Variants in KYAT1 observed in about 807,000 individuals in gnomAD.
KYAT1 encodes the protein kynurenine--oxoglutarate transaminase 1.
KYAT1 carries 47 observed loss-of-function variants against 52.4 expected under a neutral mutation model. The ratio of observed to expected loss-of-function variants is 0.90; its 90% confidence interval spans 0.71 to 1.14. The LOEUF is 1.14. Ranked by LOEUF, KYAT1 falls within the 50% of genes most tolerant of loss-of-function variation. KYAT1 has a pLI of 0.00. For synonymous variants in KYAT1, 212 were observed against 209.6 expected (o/e 1.01, Z -0.10); for missense variants, 480 against 557.9 (o/e 0.86, Z 1.41).
At chr9:128,845,310 C>A (rs762683224) in intron 2 of KYAT1, 43 bp downstream of exon 2, 4 of 1,582,434 alleles carry the variant, frequency 2.5e-6, no homozygotes, top group Non-Finnish European at 3.5e-6. Context: ...CCAACCCATG[C>A]CCGAGGGGAC....
intron 1 of KYAT1, among the ~76,000 whole-genome samples, chr9:128,859,545 G>A (rs545515543): frequency 6.6e-6 from 1 of 151,150 alleles, no homozygotes; most frequent in African/African-American, 2.4e-5. Context: ...GCGCATGCCT[G>A]TAATCTCCCA....
chr9:128,841,177 C>T (rs1481261060), intron 3 of KYAT1, among the ~76,000 whole-genome samples: 3 of 152,036 alleles, frequency 2.0e-5, no homozygotes, highest in South Asian at 2.1e-4. Flanking sequence ...CGAGACCAAC[C>T]GGACTAACAT....
intron 1 of KYAT1, among the ~76,000 whole-genome samples, chr9:128,857,848 C>T (rs1051349070): frequency 1.3e-5 from 2 of 152,036 alleles, no homozygotes; most frequent in East Asian, 1.9e-4. Flanking sequence ...AACAAACAAA[C>T]AAACAAAAAA....
At position 128,833,423 on chromosome 9, in the gene KYAT1, G is replaced by C. The variant is rs942388137; in HGVS notation, c.*161C>G. 9.6e-6 allele frequency: 7 copies of C among 732,528 alleles called. No homozygotes were observed. In the Admixed American group the frequency reaches 1.8e-4, roughly 18 times the overall value. The allele number at this position is 732,528 out of a possible 1,614,324, so 45.4% of individuals were successfully genotyped here. ...GAGGCACTTGGTTCTCTAAGATGAA[G>C]AAGGGCGGCTCCCACCCAGAACATT... On this transcript the variant is annotated 3_prime_UTR_variant, in exon 13 of 13. Coordinates refer to ENST00000302586, the MANE Select transcript of KYAT1 (RefSeq NM_004059.5).
chr9:128,872,722 G>A (rs369742302), intron 1 of KYAT1, among the ~76,000 whole-genome samples: 6 of 150,644 alleles, frequency 4.0e-5, no homozygotes, highest in Admixed American at 2.7e-4. Context: ...AGCCAAGATC[G>A]CACCGTTTGC....
intron 1 of KYAT1, among the ~76,000 whole-genome samples, chr9:128,878,452 T>A (rs1838333017): frequency 6.6e-6 from 1 of 152,162 alleles, no homozygotes; most frequent in South Asian, 2.1e-4. Flanking sequence ...TATTAACATT[T>A]AAACCTACCA....
intron 1 of KYAT1, chr9:128,847,406 GCAGAGTATTGGGGTTAGGGCACTTA>G: frequency 6.9e-7 from 1 of 1,453,114 alleles, no homozygotes; most frequent in African/African-American, 1.4e-5. Context: ...CATGCAGGTG[GCAGAGTATTGGGGTTAGGGCACTTA>G]CAGTCTGGTG....
chr9:128,878,269 G>A (rs780914830), intron 1 of KYAT1, among the ~76,000 whole-genome samples: 5 of 152,138 alleles, frequency 3.3e-5, no homozygotes, highest in Non-Finnish European at 5.9e-5. Context: ...AGAGTAGCTG[G>A]GACCACAGGC....
intron 3 of KYAT1, among the ~76,000 whole-genome samples, chr9:128,842,401 C>T (rs926155296): frequency 1.6e-4 from 24 of 152,310 alleles, no homozygotes; most frequent in African/African-American, 5.3e-4. Context: ...CTTTCTTACT[C>T]GCACGATATC....
At position 128,838,209 on chromosome 9, in the gene KYAT1, C is replaced by G; in HGVS notation, c.351+9G>C. On this transcript the variant is annotated intron_variant, in intron 4 of 12. Coordinates refer to ENST00000302586, the MANE Select transcript of KYAT1 (RefSeq NM_004059.5). ...TCAGTCCCACTCAGCCCAAGTCTTG[C>G]CCACTCACCTCGTCTCCTTCGTCCA... is the stretch of plus-strand genomic sequence containing the variant. The G allele has an allele frequency of 6.2e-7, 1 of 1,614,202 alleles. No individual in the cohort carries two copies.
chr9:128,847,693 T>C (rs1833336012), intron 1 of KYAT1: 1 of 553,040 alleles, frequency 1.8e-6, no homozygotes, highest in Admixed American at 3.2e-5. Flanking sequence ...ATATGGTCAT[T>C]GCGTGCCAGG....
intron 1 of KYAT1, chr9:128,846,926 C>T: frequency 7.3e-7 from 1 of 1,368,312 alleles, no homozygotes; most frequent in Non-Finnish European, 9.9e-7. Context: ...TCCCACTGCA[C>T]TCTCACTAGA....
chr9:128,856,868 A>C (rs1302071167), intron 1 of KYAT1, among the ~76,000 whole-genome samples: 1 of 152,234 alleles, frequency 6.6e-6, no homozygotes, highest in Non-Finnish European at 1.5e-5. Flanking sequence ...ACTGTCCCCC[A>C]GCCCAACACC....
intron 1 of KYAT1, among the ~76,000 whole-genome samples, chr9:128,879,465 C>T (rs540738544): frequency 1.7e-4 from 26 of 152,278 alleles, no homozygotes; most frequent in African/African-American, 5.8e-4. Flanking sequence ...TAAAATCAGG[C>T]GCCCTACTCT....
intron 1 of KYAT1, among the ~76,000 whole-genome samples, chr9:128,852,244 C>T (rs1035734994): frequency 6.6e-6 from 1 of 152,192 alleles, no homozygotes; most frequent in Non-Finnish European, 1.5e-5. Context: ...CATAATACAA[C>T]CCATGGGTGC....
At chr9:128,847,868 T>C (rs1301935396) in intron 1 of KYAT1, among the ~76,000 whole-genome samples, 1 of 152,066 alleles carries the variant, frequency 6.6e-6, no homozygotes, top group Non-Finnish European at 1.5e-5. Context: ...GCCCTGAATA[T>C]CACCAAGAGC....
Position 128,838,034 on chromosome 9 carries a change from C to CTACCTAGCA in KYAT1, c.438+8_438+16dup. 6.2e-7 allele frequency: 1 copy of CTACCTAGCA among 1,613,134 alleles called. No individual in the cohort carries two copies. The highest frequency in any genetic ancestry group is 8.5e-7 in the Non-Finnish European group (1 of 1,179,072). Reference sequence around the variant, plus strand: ...TTGGATCCCTCTGCCCATCCATCCTCTACCTAGCATCCTTACCGGCTTCAG... The same window carrying CTACCTAGCA: ...TTGGATCCCTCTGCCCATCCATCCTCTACCTAGCATACCTAGCATCCTTACCGGCTTCAG... On this transcript the variant is annotated intron_variant, in intron 5 of 12. Coordinates refer to ENST00000302586, the MANE Select transcript of KYAT1 (RefSeq NM_004059.5).
chr9:128,882,192 G>C (rs1200185131), upstream of KYAT1: 2 of 153,048 alleles, frequency 1.3e-5, no homozygotes, highest in African/African-American at 2.4e-5. Context: ...GGCCGGCGGC[G>C]GGACGGAGCG....
chr9:128,851,303 C>T (rs1296333727), intron 1 of KYAT1, among the ~76,000 whole-genome samples: 1 of 152,164 alleles, frequency 6.6e-6, no homozygotes, highest in African/African-American at 2.4e-5. Context: ...GTATTGAGGA[C>T]AGCTGATGAG....
Sources: allele counts gnomAD v4.1 joint callset (sites outside exome capture counted in the v4.1 genomes callset), GRCh38; gene constraint gnomAD v4.1.1; transcripts MANE v1.5; gene names NCBI Gene and HGNC (gene_info 2026-07-23, HGNC 2026-07-21).